EPHB2: variants seen among roughly 807,000 people sequenced by gnomAD.
EPHB2 encodes the protein EPH receptor B2.
EPHB2 carries 18 observed loss-of-function variants against 96.4 expected under a neutral mutation model. The observed-to-expected ratio is 0.19, with a 90% CI of 0.13 to 0.28. The LOEUF is 0.28. EPHB2 is among the 10% of genes least tolerant of loss of function. EPHB2 has a pLI of 1.00. For synonymous variants in EPHB2, 506 were observed against 534.1 expected (o/e 0.95, Z 0.72); for missense variants, 989 against 1,355.4 (o/e 0.73, Z 4.25).
At chr1:22,896,348 C>A in intron 8 of EPHB2, 66 bp from the exon 9 acceptor site, 1 of 1,608,980 alleles carries the variant, frequency 6.2e-7, no homozygotes, top group Non-Finnish European at 8.5e-7. Flanking sequence ...TCCCTATCAC[C>A]TACTGTGGCT....
At chr1:22,730,091 G>C (rs1212892498) in intron 1 of EPHB2, among the ~76,000 whole-genome samples, 1 of 152,218 alleles carries the variant, frequency 6.6e-6, no homozygotes, top group Non-Finnish European at 1.5e-5. Flanking sequence ...TGTGGGATCC[G>C]AGGTGAATTA....
chr1:22,829,448 A>G (rs1040200614), intron 3 of EPHB2, among the ~76,000 whole-genome samples: 1 of 152,198 alleles, frequency 6.6e-6, no homozygotes, highest in African/African-American at 2.4e-5. Context: ...ATTCCAAGCC[A>G]GGGTGTAAGA....
intron 7 of EPHB2, among the ~76,000 whole-genome samples, 161 bp from the exon 8 acceptor site, chr1:22,895,311 A>G (rs767029877): frequency 5.9e-5 from 9 of 152,230 alleles, no homozygotes; most frequent in Non-Finnish European, 1.2e-4. Context: ...TGAGACAGTG[A>G]CAGCCCCTTT....
In EPHB2 at chr1:22,914,105, C is replaced by A; in HGVS notation, c.*535C>A. On this transcript the variant is annotated 3_prime_UTR_variant, in exon 16 of 16. Transcript: ENST00000374630. The stretch of plus-strand genomic sequence containing the variant: ...ATGGACAGACAGCCACCCTGAGAAC[C>A]CCTCTGGGAAAATCTATTCCTGCCA... The A allele has an allele frequency of 1.9e-6, 1 of 516,458 alleles. No homozygotes were observed. Among genetic ancestry groups the A allele is most frequent in the South Asian group, 3.3e-5 (1 of 30,390 alleles). 32.0% of individuals were successfully genotyped at this position (516,458 alleles called of 1,614,324 possible).
intron 1 of EPHB2, among the ~76,000 whole-genome samples, chr1:22,776,526 C>T (rs1644455547): frequency 6.6e-6 from 1 of 152,224 alleles, no homozygotes; most frequent in South Asian, 2.1e-4. Flanking sequence ...TCCAGAGCTT[C>T]AGAGGCAGCT....
Position 22,907,967 on chromosome 1 carries a change from G to A in EPHB2, c.2151G>A (p.Gln717=), listed in dbSNP as rs1639970183. ...TTCTCCCAAAGCAAAACGATGGGCA[G>A]TTCACAGTCATCCAGCTGGTGGGCA... ...LDSFLRQNDG[Q]FTVIQLVGML... is the part of the protein sequence containing the mutation. Residue 717 remains glutamine, a synonymous_variant, in exon 12 of 16, where the codon CAG becomes CAA. Coordinates refer to ENST00000374630, the MANE Select transcript of EPHB2 (RefSeq NM_017449.5). 6.2e-7 allele frequency: 1 copy of A among 1,614,130 alleles called. No homozygotes were observed. The highest frequency in any genetic ancestry group is 1.3e-5 in the African/African-American group (1 of 74,940).
intron 1 of EPHB2, among the ~76,000 whole-genome samples, chr1:22,751,871 G>A (rs6660673): frequency 0.06 from 9,184 of 152,220 alleles, 802 homozygotes; most frequent in African/African-American, 0.2. Flanking sequence ...CCTGGGAAGC[G>A]GAGAATGAAT....
intron 1 of EPHB2, among the ~76,000 whole-genome samples, chr1:22,718,626 G>C (rs901747949): frequency 3.9e-5 from 6 of 152,136 alleles, no homozygotes; most frequent in Non-Finnish European, 8.8e-5. Flanking sequence ...GACCTCAGGC[G>C]ATCCACCTGC....
At chr1:22,907,054 A>G in intron 11 of EPHB2, 97 bp downstream of exon 11, 2 of 1,460,468 alleles carry the variant, frequency 1.4e-6, no homozygotes, top group Non-Finnish European at 1.8e-6. Context: ...GGGTCTTGGA[A>G]AAGCTCTAGG....
At chr1:22,882,298 T>A in intron 5 of EPHB2, 61 bp from the exon 6 acceptor site, 3 of 1,604,698 alleles carry the variant, frequency 1.9e-6, no homozygotes, top group Non-Finnish European at 2.5e-6. Context: ...CCTCTGAGGG[T>A]GGGCCAGAAG....
intron 1 of EPHB2, among the ~76,000 whole-genome samples, chr1:22,757,524 T>C (rs1644169237): frequency 6.6e-6 from 1 of 152,178 alleles, no homozygotes; most frequent in African/African-American, 2.4e-5. Context: ...TATTTTGTCA[T>C]CCTGAGCCTC....
chr1:22,721,323 G>A (rs897969757), intron 1 of EPHB2, among the ~76,000 whole-genome samples: 2 of 152,150 alleles, frequency 1.3e-5, no homozygotes, highest in East Asian at 1.9e-4. Context: ...CAAAGTTGAC[G>A]CATTAAACCA....
In EPHB2 at chr1:22,875,065, T is replaced by C. The variant is rs1011475443; in HGVS notation, c.1304-7294T>C. ...ACTTTCTTAGCCACAGAATACGCAG[T>C]GCCACCCTAGCACCAGTTGTCAGCT... is the stretch of plus-strand genomic sequence containing the variant. On this transcript the variant is annotated intron_variant, in intron 5 of 15. Transcript: ENST00000374630. This position sits in a 1 kb window ranked among gnomAD's most constrained non-coding sequence, Gnocchi z 4.2. 3.9e-5 allele frequency among the ~76,000 whole-genome samples: 6 copies of C among 152,186 alleles called. No individual in the cohort carries two copies. Among genetic ancestry groups the C allele is most frequent in the Admixed American group, 3.3e-4 (5 of 15,278 alleles).
chr1:22,779,954 G>T (rs1266132960), intron 1 of EPHB2, among the ~76,000 whole-genome samples: 2 of 152,104 alleles, frequency 1.3e-5, no homozygotes, highest in African/African-American at 4.8e-5. Context: ...TGACCTTCTA[G>T]GTCTCTCCCC....
chr1:22,838,425 G>A (rs554012962), intron 3 of EPHB2, among the ~76,000 whole-genome samples: 69 of 152,376 alleles, frequency 4.5e-4, no homozygotes, highest in African/African-American at 1.4e-3. Context: ...TAACTGTGTG[G>A]CCCTGGGCAT....
At chr1:22,856,469 G>A (rs756878834) in intron 3 of EPHB2, among the ~76,000 whole-genome samples, 23 of 152,260 alleles carry the variant, frequency 1.5e-4, no homozygotes, top group South Asian at 2.1e-4. Flanking sequence ...AGGACCAGGC[G>A]TTACTTCTGC....
chr1:22,759,722 A>G (rs1644208068), intron 1 of EPHB2, among the ~76,000 whole-genome samples: 1 of 152,090 alleles, frequency 6.6e-6, no homozygotes, highest in Non-Finnish European at 1.5e-5. Context: ...CCTTTCTACC[A>G]TCCCATCCCC....
chr1:22,791,498 G>A (rs71638866), intron 3 of EPHB2, among the ~76,000 whole-genome samples: 1 of 127,802 alleles, frequency 7.8e-6, no homozygotes, highest in Non-Finnish European at 1.6e-5. Context: ...TTTCCTTTCA[G>A]AGAGACAGGA....
intron 5 of EPHB2, among the ~76,000 whole-genome samples, chr1:22,880,541 G>C (rs1175392974): frequency 2.2e-4 from 34 of 152,256 alleles, no homozygotes; most frequent in Middle Eastern, 3.2e-3. Context: ...GAAGCAAGGA[G>C]GCTTGCCAGC....
Sources: allele counts gnomAD v4.1 joint callset (sites outside exome capture counted in the v4.1 genomes callset), GRCh38; gene constraint gnomAD v4.1.1; non-coding constraint Gnocchi (gnomAD v3.1); transcripts MANE v1.5; gene names NCBI Gene and HGNC (gene_info 2026-07-23, HGNC 2026-07-21).